UIMC1: variants seen among roughly 807,000 people sequenced by gnomAD.
The protein encoded by UIMC1 is BRCA1-A complex subunit RAP80.
In UIMC1, 42 loss-of-function variants were observed where a neutral mutation model predicts 84.9. That is an observed-to-expected ratio of 0.49 (90% CI 0.39 to 0.64). The LOEUF is 0.64. UIMC1 is among the 30% of genes least tolerant of loss of function. The pLI is 0.00. For synonymous variants in UIMC1, 281 were observed against 293.0 expected (o/e 0.96, Z 0.42); for missense variants, 825 against 847.6 (o/e 0.97, Z 0.33).
chr5:176,915,443 A>G (rs953290342), intron 10 of UIMC1, among the ~76,000 whole-genome samples: 8 of 150,020 alleles, frequency 5.3e-5, no homozygotes, highest in African/African-American at 1.8e-4. Flanking sequence ...CATTATTTCT[A>G]TTTTACAGTA....
intron 6 of UIMC1, among the ~76,000 whole-genome samples, chr5:176,959,616 T>C (rs1346139287): frequency 6.9e-6 from 1 of 145,858 alleles, no homozygotes. Context: ...CTTGGGAGGC[T>C]GAGGCAGGAG....
chr5:176,983,057 C>T (rs936827744), intron 1 of UIMC1, among the ~76,000 whole-genome samples: 5 of 152,316 alleles, frequency 3.3e-5, no homozygotes, highest in African/African-American at 9.6e-5. Flanking sequence ...TGGTATTGAA[C>T]TCCTGACCTC....
chr5:176,977,944 C>T (rs965731367), intron 2 of UIMC1, among the ~76,000 whole-genome samples: 2 of 151,636 alleles, frequency 1.3e-5, no homozygotes, highest in African/African-American at 4.8e-5. Context: ...AAAATAATAA[C>T]AAAACAAAAA....
chr5:176,929,849 G>GA (rs1331104364), intron 10 of UIMC1, among the ~76,000 whole-genome samples: 1 of 152,066 alleles, frequency 6.6e-6, no homozygotes, highest in African/African-American at 2.4e-5. Flanking sequence ...AAGGATCTAG[G>GA]AAAAAACCAC....
chr5:177,008,838 A>C (rs1182301442), upstream of UIMC1, among the ~76,000 whole-genome samples: 3 of 152,152 alleles, frequency 2.0e-5, no homozygotes, highest in African/African-American at 7.2e-5. Flanking sequence ...CTTGGGTACT[A>C]TCTCAAGTTC....
chr5:176,950,676 C>T (rs561388813), intron 9 of UIMC1, among the ~76,000 whole-genome samples: 84 of 151,934 alleles, frequency 5.5e-4, no homozygotes, highest in African/African-American at 1.9e-3. Flanking sequence ...TCAATACCAG[C>T]CTGGCCAACG....
chr5:176,911,005 C>T (rs1259765192), intron 11 of UIMC1, among the ~76,000 whole-genome samples: 1 of 151,592 alleles, frequency 6.6e-6, no homozygotes, highest in African/African-American at 2.4e-5. Context: ...AGGAGAATCG[C>T]TTGAACCCAG....
chr5:177,015,899 G>A (rs926919610), intron 1 of UIMC1, among the ~76,000 whole-genome samples: 1 of 151,942 alleles, frequency 6.6e-6, no homozygotes, highest in African/African-American at 2.4e-5. Context: ...GTGAAACCCT[G>A]TCTCTACCTA....
At chr5:176,954,579 A>T (rs904702053) in intron 8 of UIMC1, among the ~76,000 whole-genome samples, 20 of 151,860 alleles carry the variant, frequency 1.3e-4, no homozygotes, top group African/African-American at 3.4e-4. Context: ...TACTAAAAAA[A>T]AATAATAATA....
At chr5:176,936,014 C>A (rs1349149052) in intron 10 of UIMC1, among the ~76,000 whole-genome samples, 1 of 152,174 alleles carries the variant, frequency 6.6e-6, no homozygotes, top group Non-Finnish European at 1.5e-5. Flanking sequence ...CTCCTATAAT[C>A]TATTTCTCCC....
At chr5:176,934,337 A>T (rs1382830477) in intron 10 of UIMC1, among the ~76,000 whole-genome samples, 1 of 152,232 alleles carries the variant, frequency 6.6e-6, no homozygotes, top group Non-Finnish European at 1.5e-5. Flanking sequence ...AATAAGCTCA[A>T]ATTCCATGAG....
intron 2 of UIMC1, among the ~76,000 whole-genome samples, chr5:176,977,124 G>A (rs1013794869): frequency 1.3e-5 from 2 of 151,520 alleles, no homozygotes; most frequent in African/African-American, 4.9e-5. Flanking sequence ...TCAGGAGACT[G>A]AGGCATGAGA....
At chr5:176,946,835 A>G (rs1227133281) in intron 9 of UIMC1, among the ~76,000 whole-genome samples, 1 of 152,224 alleles carries the variant, frequency 6.6e-6, no homozygotes, top group African/African-American at 2.4e-5. Context: ...ACCCGGCCTC[A>G]AAAAAGAAAA....
At chr5:176,938,669 T>C (rs1048093441) in intron 10 of UIMC1, among the ~76,000 whole-genome samples, 9 of 152,046 alleles carry the variant, frequency 5.9e-5, no homozygotes, top group African/African-American at 1.9e-4. Flanking sequence ...TCTAAACCCA[T>C]AGGAGGGGAA....
chr5:176,994,270 C>T (rs1042479992), intron 1 of UIMC1, among the ~76,000 whole-genome samples: 2 of 151,826 alleles, frequency 1.3e-5, no homozygotes, highest in Non-Finnish European at 2.9e-5. Context: ...ACAAACTTCA[C>T]AAAAGCAGAT....
At chr5:176,975,699 T>C (rs1561862102) in intron 2 of UIMC1, among the ~76,000 whole-genome samples, 2 of 152,204 alleles carry the variant, frequency 1.3e-5, no homozygotes, top group Admixed American at 1.3e-4. Context: ...ATATTGGCAT[T>C]ATTATCTGTC....
At chr5:176,912,563 C>G (rs1370567968) in intron 10 of UIMC1, among the ~76,000 whole-genome samples, 5 of 151,638 alleles carry the variant, frequency 3.3e-5, no homozygotes, top group Admixed American at 2.0e-4. Flanking sequence ...ACCTCTGCCT[C>G]CCGAGTTCAA....
chr5:176,955,903 G>T (rs1766537697), intron 8 of UIMC1, 56 bp downstream of exon 8: 3 of 1,532,468 alleles, frequency 2.0e-6, no homozygotes, highest in Non-Finnish European at 2.7e-6. Flanking sequence ...AAATTAATAG[G>T]CATGAAAAGG....
At chr5:176,996,709 T>C (rs1156989458) in intron 1 of UIMC1, among the ~76,000 whole-genome samples, 2 of 152,100 alleles carry the variant, frequency 1.3e-5, no homozygotes, top group African/African-American at 2.4e-5. Context: ...ATGAGTCCAG[T>C]AGTTTAACCA....
Sources: allele counts gnomAD v4.1 joint callset (sites outside exome capture counted in the v4.1 genomes callset), GRCh38; gene constraint gnomAD v4.1.1; transcripts MANE v1.5; gene names NCBI Gene and HGNC (gene_info 2026-07-23, HGNC 2026-07-21).